Variants in CAPN13 observed in about 807,000 individuals in gnomAD.
The protein encoded by CAPN13 is calpain-13.
Under a neutral mutation model 98.4 loss-of-function variants are expected in CAPN13, and 90 were observed. The ratio of observed to expected loss-of-function variants is 0.92; its 90% CI spans 0.77 to 1.09. CAPN13 has a LOEUF of 1.09. CAPN13 is among the 50% of genes least tolerant of loss of function. CAPN13 has a pLI of 0.00. For synonymous variants in CAPN13, 330 were observed against 305.5 expected, an observed-to-expected ratio of 1.08 and a Z score of -0.84; for missense variants, 887 against 841.3, an observed-to-expected ratio of 1.05 and a Z score of -0.67.
In CAPN13 at chr2:30,732,556, T is replaced by G; in HGVS notation, c.1809A>C (p.Arg603Ser). The change falls in exon 20 of 23, where the codon AGA becomes AGC. Residue 603 changes from arginine to serine, a missense_variant. Arg to Ser is a moderately radical substitution (Grantham distance 110). Transcript: ENST00000295055. ...WKAIENTDFL[R>S]GIFISRELLH... ...GCAGCTCACGGCTGATGAAGATCCC[T>G]CTGAGGAAGTCTGGGGCCACAGGTG... 6.2e-7 allele frequency: 1 copy of G among 1,607,910 alleles called. No individual in the cohort carries two copies. The highest frequency in any genetic ancestry group is 8.5e-7 in the Non-Finnish European group (1 of 1,177,792).
chr2:30,743,353 A>C (rs1240247761), intron 13 of CAPN13, 30 bp downstream of exon 13: 12 of 1,583,252 alleles, frequency 7.6e-6, no homozygotes, highest in Non-Finnish European at 1.0e-5. Flanking sequence ...AAGTAGAATA[A>C]AACATTTACA....
At chr2:30,747,951 G>A (rs1422302221) in intron 11 of CAPN13, among the ~76,000 whole-genome samples, 1 of 152,226 alleles carries the variant, frequency 6.6e-6, no homozygotes, top group Non-Finnish European at 1.5e-5. Flanking sequence ...CAGAAAAGTA[G>A]GAAAGTGGGC....
intron 1 of CAPN13, among the ~76,000 whole-genome samples, chr2:30,797,665 T>C (rs1674956218): frequency 6.6e-6 from 1 of 152,208 alleles, no homozygotes; most frequent in Admixed American, 6.5e-5. Context: ...ACTACAACCC[T>C]GCACCAGCTG....
chr2:30,793,291 T>C (rs1674696175), intron 1 of CAPN13, among the ~76,000 whole-genome samples: 1 of 151,502 alleles, frequency 6.6e-6, no homozygotes, highest in Admixed American at 6.6e-5. Flanking sequence ...AAGGTTAATA[T>C]TAAAAAATTA....
intron 1 of CAPN13, among the ~76,000 whole-genome samples, chr2:30,801,988 C>A (rs1675308305): frequency 6.6e-6 from 1 of 152,310 alleles, no homozygotes; most frequent in Non-Finnish European, 1.5e-5. Context: ...ACCACCGCCC[C>A]CTGCGCTGCG....
intron 1 of CAPN13, among the ~76,000 whole-genome samples, chr2:30,802,812 C>T (rs1451672877): frequency 6.6e-6 from 1 of 152,140 alleles, no homozygotes; most frequent in African/African-American, 2.4e-5. Context: ...TAGATGCAGT[C>T]CCAGGAGACC....
At chr2:30,728,450 G>A (rs899633596) in intron 22 of CAPN13, among the ~76,000 whole-genome samples, 3 of 152,138 alleles carry the variant, frequency 2.0e-5, no homozygotes, top group Non-Finnish European at 4.4e-5. Context: ...AACCCAACTG[G>A]GCTAAGACAT....
At position 30,738,439 on chromosome 2, in the gene CAPN13, T is replaced by G. The variant is rs747386499; in HGVS notation, c.1555A>C (p.Thr519Pro). ...YAQQRLDIDA[T>P]QLQGLLNQEL... ...TGGTTGAGAAGGCCCTGAAGCTGGG[T>G]GGCATCAATGTCCAGCCTCTGATCC... The change falls in exon 16 of 23, where the codon ACC becomes CCC. Residue 519 changes from threonine (T) to proline (P), a missense_variant. Coordinates refer to ENST00000295055, the MANE Select transcript of CAPN13 (RefSeq NM_144575.3). The G allele has an allele frequency of 2.5e-6, 4 of 1,605,650 alleles. No individual in the cohort carries two copies. The African/African-American group carries it at 4.0e-5, about 16-fold the overall frequency.
At chr2:30,796,184 ACATATATATG>A (rs1674859313) in intron 1 of CAPN13, among the ~76,000 whole-genome samples, 1 of 142,870 alleles carries the variant, frequency 7.0e-6, no homozygotes, top group African/African-American at 2.8e-5. Flanking sequence ...ATATATATAT[ACATATATATG>A]TGTGTGTATA....
chr2:30,728,574 T>C (rs1003309610), intron 22 of CAPN13, among the ~76,000 whole-genome samples: 47 of 152,016 alleles, frequency 3.1e-4, no homozygotes, highest in Admixed American at 2.2e-3. Context: ...AATGGTGTGG[T>C]TGGAGTAGAG....
chr2:30,744,700 T>G (rs931245269), intron 12 of CAPN13, among the ~76,000 whole-genome samples: 5 of 152,152 alleles, frequency 3.3e-5, no homozygotes, highest in African/African-American at 1.2e-4. Context: ...ACTTGCTCAG[T>G]GGCAGTGAGA....
intron 19 of CAPN13, 21 bp from the exon 20 acceptor site, chr2:30,732,587 G>A: frequency 1.2e-6 from 2 of 1,600,148 alleles, no homozygotes; most frequent in Non-Finnish European, 1.7e-6. Context: ...AGGTGAACGA[G>A]TGAGTGAGAG....
At chr2:30,753,005 G>A in intron 10 of CAPN13, 48 bp downstream of exon 10, 2 of 1,606,312 alleles carry the variant, frequency 1.2e-6, no homozygotes, top group Admixed American at 1.7e-5. Flanking sequence ...GCTGGGCTGG[G>A]GCAGCCAGCT....
intron 11 of CAPN13, among the ~76,000 whole-genome samples, chr2:30,749,862 A>G (rs932213023): frequency 3.3e-5 from 5 of 152,190 alleles, no homozygotes; most frequent in Admixed American, 6.5e-5. Context: ...GTTTGGAGGA[A>G]TAGCAGGGAG....
In CAPN13 at chr2:30,753,268, TC is replaced by T. The variant is rs1672272596; in HGVS notation, c.942-71del. ...CCCCAGGGTGGGGGTTCCTATGACT[TC>T]ACAGCATAGCCACTGTCCTGCCCAG... On this transcript the variant is annotated intron_variant, in intron 9 of 22. Transcript: ENST00000295055. 2.0e-6 allele frequency: 3 copies of T among 1,519,490 alleles called. No individual in the cohort carries two copies. The East Asian group carries it at 6.8e-5, about 34-fold the overall frequency. The allele number at this position is 1,519,490 out of a possible 1,614,324, so 94.1% of individuals were successfully genotyped here.
At chr2:30,730,506 A>G (rs1465730853) in intron 22 of CAPN13, among the ~76,000 whole-genome samples, 1 of 151,762 alleles carries the variant, frequency 6.6e-6, no homozygotes, top group Non-Finnish European at 1.5e-5. Flanking sequence ...CTTTCAAGCC[A>G]TGCCTTTCCA....
chr2:30,805,262 A>C (rs926809107), intron 1 of CAPN13, among the ~76,000 whole-genome samples: 2 of 152,178 alleles, frequency 1.3e-5, no homozygotes, highest in African/African-American at 4.8e-5. Flanking sequence ...CCAAGGCACA[A>C]TGCATCTGCA....
chr2:30,751,037 G>A (rs1026854364), intron 11 of CAPN13, 66 bp downstream of exon 11: 20 of 1,555,588 alleles, frequency 1.3e-5, no homozygotes, highest in African/African-American at 6.8e-5. Context: ...GGCCAGAGCT[G>A]TTCTCCCCAA....
At chr2:30,796,022 G>T (rs1674837961) in intron 1 of CAPN13, among the ~76,000 whole-genome samples, 1 of 151,282 alleles carries the variant, frequency 6.6e-6, no homozygotes, top group Non-Finnish European at 1.5e-5. Context: ...AAATAAAGCT[G>T]GTATCTGTAT....
Sources: allele counts gnomAD v4.1 joint callset (sites outside exome capture counted in the v4.1 genomes callset), GRCh38; gene constraint gnomAD v4.1.1; transcripts MANE v1.5; gene names NCBI Gene and HGNC (gene_info 2026-07-23, HGNC 2026-07-21).